The following CADM2 variants were observed in gnomAD, a reference collection of about 807,000 sequenced individuals.
CADM2 encodes cell adhesion molecule 2.
CADM2 carries 12 observed loss-of-function variants against 49.8 expected under a neutral mutation model. The ratio of observed to expected loss-of-function variants is 0.24; its 90% CI spans 0.15 to 0.39. The LOEUF (loss-of-function observed/expected upper bound fraction) is 0.39. Ranked by LOEUF, CADM2 falls within the 10% of genes least tolerant of loss-of-function variation. The pLI is 1.00. For synonymous variants in CADM2, 214 were observed against 175.4 expected (o/e 1.22, Z -1.74); for missense variants, 378 against 492.3 (o/e 0.77, Z 2.20).
intron 1 of CADM2, among the ~76,000 whole-genome samples, chr3:85,692,706 C>T (rs540722012): frequency 1.3e-5 from 2 of 152,144 alleles, no homozygotes; most frequent in East Asian, 3.9e-4. Flanking sequence ...AGAACTTACT[C>T]CCTGGTTACT....
chr3:85,963,515 T>A (rs1725098163), intron 8 of CADM2, among the ~76,000 whole-genome samples: 1 of 151,880 alleles, frequency 6.6e-6, no homozygotes, highest in South Asian at 2.1e-4. Context: ...TCTATCTGAT[T>A]CACCTTAATT....
intron 1 of CADM2, among the ~76,000 whole-genome samples, chr3:84,985,473 G>A (rs951482633): frequency 6.6e-6 from 1 of 151,958 alleles, no homozygotes; most frequent in African/African-American, 2.4e-5. Flanking sequence ...AAGCTAATGA[G>A]GTAATATACA....
intron 1 of CADM2, among the ~76,000 whole-genome samples, chr3:85,087,831 C>A (rs1026224001): frequency 1.3e-5 from 2 of 152,048 alleles, no homozygotes; most frequent in Admixed American, 6.5e-5. Context: ...AAAGGAAGTC[C>A]AACCACAAAT....
At chr3:85,962,068 TGGGATTACA>T (rs979391616) in intron 8 of CADM2, among the ~76,000 whole-genome samples, 18 of 152,030 alleles carry the variant, frequency 1.2e-4, no homozygotes, top group African/African-American at 4.3e-4. Context: ...CCTGAGTAGC[TGGGATTACA>T]GGCATGCACC....
intron 1 of CADM2, among the ~76,000 whole-genome samples, chr3:85,147,701 TAATATC>T (rs1275594200): frequency 6.6e-6 from 1 of 152,162 alleles, no homozygotes; most frequent in Non-Finnish European, 1.5e-5. Context: ...AATAAAGAAT[TAATATC>T]TATCTATAAA....
At chr3:85,918,037 T>C (rs1007785050) in intron 6 of CADM2, among the ~76,000 whole-genome samples, 6 of 152,030 alleles carry the variant, frequency 3.9e-5, no homozygotes, top group Admixed American at 2.6e-4. Flanking sequence ...TTTGCTGAAG[T>C]TTCTTATCAG....
At chr3:84,997,027 G>A (rs2033216936) in intron 1 of CADM2, among the ~76,000 whole-genome samples, 1 of 152,112 alleles carries the variant, frequency 6.6e-6, no homozygotes, top group Non-Finnish European at 1.5e-5. Context: ...CATTATCTGG[G>A]TCACAGCATG....
chr3:85,460,125 ACT>A (rs1406049076), intron 1 of CADM2, among the ~76,000 whole-genome samples: 1 of 152,164 alleles, frequency 6.6e-6, no homozygotes, highest in Non-Finnish European at 1.5e-5. Flanking sequence ...TTGTAGAATT[ACT>A]GTCTGAGAAG....
intron 1 of CADM2, among the ~76,000 whole-genome samples, chr3:85,292,647 G>T (rs1197447568): frequency 2.0e-5 from 3 of 151,002 alleles, no homozygotes; most frequent in South Asian, 2.1e-4. Flanking sequence ...ACTCAAAACC[G>T]CTCAACTACA....
chr3:85,525,804 CTT>C (rs1268723371), intron 1 of CADM2, among the ~76,000 whole-genome samples: 2 of 151,946 alleles, frequency 1.3e-5, no homozygotes, highest in Non-Finnish European at 2.9e-5. Context: ...CAGTGAAACT[CTT>C]TTAAAGTATT....
chr3:86,027,886 G>C (rs891898183), intron 8 of CADM2: 3 of 151,860 alleles, frequency 2.0e-5, no homozygotes, highest in Admixed American at 6.6e-5. Flanking sequence ...AAACTTACCT[G>C]TTTTCTCAGG....
chr3:85,471,076 GA>G (rs2038744144), intron 1 of CADM2, among the ~76,000 whole-genome samples: 1 of 152,086 alleles, frequency 6.6e-6, no homozygotes, highest in African/African-American at 2.4e-5. Context: ...CTCTAACAAG[GA>G]CATTTCAAAA....
At chr3:85,684,663 G>A (rs1257282590) in intron 1 of CADM2, among the ~76,000 whole-genome samples, 1 of 152,134 alleles carries the variant, frequency 6.6e-6, no homozygotes, top group African/African-American at 2.4e-5. Flanking sequence ...GAAGGCAAAA[G>A]GCATTTAAGA....
At chr3:85,693,043 C>G (rs561264946) in intron 1 of CADM2, among the ~76,000 whole-genome samples, 1 of 152,028 alleles carries the variant, frequency 6.6e-6, no homozygotes, top group East Asian at 1.9e-4. Context: ...TCCTAGCCAA[C>G]ATGGTAACCA....
chr3:84,986,622 A>T (rs1327895300), intron 1 of CADM2, among the ~76,000 whole-genome samples: 1 of 151,756 alleles, frequency 6.6e-6, no homozygotes, highest in African/African-American at 2.4e-5. Context: ...GGGAGCGGGG[A>T]GGGATAGCAT....
intron 5 of CADM2, among the ~76,000 whole-genome samples, chr3:85,898,291 A>T (rs559582729): frequency 6.6e-6 from 1 of 152,080 alleles, no homozygotes; most frequent in African/African-American, 2.4e-5. Flanking sequence ...ATTTATTAAG[A>T]TATAATTGAC....
At chr3:84,982,373 A>T (rs1227245617) in intron 1 of CADM2, among the ~76,000 whole-genome samples, 1 of 152,058 alleles carries the variant, frequency 6.6e-6, no homozygotes, top group Non-Finnish European at 1.5e-5. Context: ...AGGTAAAACA[A>T]TTTTTATGAT....
intron 2 of CADM2, among the ~76,000 whole-genome samples, chr3:85,760,294 T>G (rs577645131): frequency 1.3e-5 from 2 of 152,142 alleles, no homozygotes; most frequent in East Asian, 3.9e-4. Flanking sequence ...CACAGCAAGT[T>G]ACTCTGAAAT....
chr3:85,617,841 T>C (rs1034958285), intron 1 of CADM2, among the ~76,000 whole-genome samples: 1 of 152,108 alleles, frequency 6.6e-6, no homozygotes, highest in African/African-American at 2.4e-5. Flanking sequence ...TTTCACAATT[T>C]CACAAAAAGT....
Sources: gnomAD v4.1 joint callset for allele counts (sites outside exome capture counted in the v4.1 genomes callset) on GRCh38, gnomAD v4.1.1 for gene constraint, MANE v1.5 for transcripts, NCBI Gene and HGNC (gene_info 2026-07-23, HGNC 2026-07-21) for gene names.